Variants in FOXP2 observed in about 807,000 individuals in gnomAD.
FOXP2 encodes the protein forkhead box protein P2.
A neutral mutation model predicts 115.8 loss-of-function variants in FOXP2; 12 were observed. That is an observed-to-expected ratio of 0.10 (90% CI 0.07 to 0.17). The LOEUF (loss-of-function observed/expected upper bound fraction) is 0.17. Ranked by LOEUF, FOXP2 falls within the 10% of genes least tolerant of loss-of-function variation. The probability of loss-of-function intolerance (pLI) is 1.00; values close to 1 mark genes in which losing one functional copy is unlikely to be tolerated. For missense variants in FOXP2, 629 were observed against 843.5 expected (o/e 0.75, Z 3.15); for synonymous variants, 328 against 297.7 (o/e 1.10, Z -1.05).
At chr7:114,267,781 A>T (rs1048765426) in intron 1 of FOXP2, among the ~76,000 whole-genome samples, 2 of 131,868 alleles carry the variant, frequency 1.5e-5, no homozygotes, top group South Asian at 2.3e-4. Flanking sequence ...ATAAATAAAT[A>T]AAATAAATAT....
At chr7:114,635,299 C>T (rs77941157) in intron 6 of FOXP2, among the ~76,000 whole-genome samples, 1 of 152,096 alleles carries the variant, frequency 6.6e-6, no homozygotes, top group African/African-American at 2.4e-5. Flanking sequence ...AATCAATGAT[C>T]TTGTGATTGC....
At chr7:114,450,407 T>C (rs893764092) in intron 2 of FOXP2, among the ~76,000 whole-genome samples, 1 of 152,044 alleles carries the variant, frequency 6.6e-6, no homozygotes, top group Non-Finnish European at 1.5e-5. Context: ...TTAAAATGAA[T>C]AAGAACAGAT....
intron 1 of FOXP2, among the ~76,000 whole-genome samples, chr7:114,225,838 C>T (rs1173594041): frequency 6.6e-6 from 1 of 152,090 alleles, no homozygotes; most frequent in Non-Finnish European, 1.5e-5. Flanking sequence ...CTAAGTTGTT[C>T]TTCCACCCTA....
At chr7:114,625,762 T>G (rs1330925619) in intron 3 of FOXP2, among the ~76,000 whole-genome samples, 2 of 151,854 alleles carry the variant, frequency 1.3e-5, no homozygotes, top group African/African-American at 4.8e-5. Flanking sequence ...ACTAGTTTTT[T>G]GTTTATTAAA....
At chr7:114,186,919 A>G (rs985159548) in intron 1 of FOXP2, among the ~76,000 whole-genome samples, 1 of 152,118 alleles carries the variant, frequency 6.6e-6, no homozygotes, top group African/African-American at 2.4e-5. Flanking sequence ...TGGGGAGCAG[A>G]CACTTGAGGT....
chr7:114,165,729 A>G (rs1792964624), intron 1 of FOXP2, among the ~76,000 whole-genome samples: 1 of 152,186 alleles, frequency 6.6e-6, no homozygotes, highest in Admixed American at 6.5e-5. Flanking sequence ...TCCCAGTCAA[A>G]ATCCCAGCAA....
intron 2 of FOXP2, among the ~76,000 whole-genome samples, chr7:114,523,066 T>C (rs1311765127): frequency 3.3e-5 from 5 of 152,132 alleles, no homozygotes; most frequent in South Asian, 2.1e-4. Context: ...ATTATTATAA[T>C]ATTTCATCAG....
In FOXP2 at chr7:114,693,231, G is replaced by T; in HGVS notation, c.*3305G>T. On this transcript the variant is annotated 3_prime_UTR_variant, in exon 17 of 17. Coordinates refer to ENST00000350908, the MANE Select transcript of FOXP2 (RefSeq NM_014491.4). ...GTTTTCTTTAGATAACTCAGATATG[G>T]AGAAAATGTCATCAGCATTCTGTGT... The T allele has an allele frequency of 2.2e-6, 1 of 449,716 alleles. No individual in the cohort carries two copies. The highest frequency in any genetic ancestry group is 4.5e-6 in the Non-Finnish European group (1 of 224,116). The allele number at this position is 449,716 out of a possible 1,614,324, so 27.9% of individuals were successfully genotyped here.
chr7:114,368,027 T>C (rs1295059966), intron 2 of FOXP2, among the ~76,000 whole-genome samples: 1 of 152,180 alleles, frequency 6.6e-6, no homozygotes, highest in Non-Finnish European at 1.5e-5. Context: ...AGGCAAATAC[T>C]ACTCCAGTTT....
intron 1 of FOXP2, among the ~76,000 whole-genome samples, chr7:114,123,475 A>G (rs1791623402): frequency 6.6e-6 from 1 of 152,182 alleles, no homozygotes; most frequent in East Asian, 1.9e-4. Context: ...TGATTTTTAA[A>G]GCAAAATTGT....
intron 1 of FOXP2, among the ~76,000 whole-genome samples, chr7:114,262,250 C>T (rs1795773795): frequency 6.6e-6 from 1 of 151,912 alleles, no homozygotes; most frequent in African/African-American, 2.4e-5. Flanking sequence ...ATAGTGAGGC[C>T]CCATCTCTAC....
At chr7:114,385,305 G>T (rs1792418158) in intron 2 of FOXP2, among the ~76,000 whole-genome samples, 1 of 152,196 alleles carries the variant, frequency 6.6e-6, no homozygotes, top group African/African-American at 2.4e-5. Flanking sequence ...AGGAGGCAGG[G>T]ATCAGAGGAA....
chr7:114,256,515 G>C (rs1480447831), intron 1 of FOXP2, among the ~76,000 whole-genome samples: 1 of 152,122 alleles, frequency 6.6e-6, no homozygotes, highest in Non-Finnish European at 1.5e-5. Context: ...AGAAGTGTCT[G>C]TTCATGTCCT....
At chr7:114,486,463 T>G (rs1038307463) in intron 2 of FOXP2, among the ~76,000 whole-genome samples, 5 of 151,914 alleles carry the variant, frequency 3.3e-5, no homozygotes, top group African/African-American at 1.2e-4. Flanking sequence ...CCAAACCATA[T>G]CATTCCACCC....
intron 1 of FOXP2, among the ~76,000 whole-genome samples, chr7:114,226,659 G>T (rs1227143836): frequency 6.6e-6 from 1 of 152,088 alleles, no homozygotes; most frequent in Non-Finnish European, 1.5e-5. Context: ...TGCCATTTAA[G>T]CTCTCAGGTT....
At chr7:114,224,849 T>C (rs1056963978) in intron 1 of FOXP2, among the ~76,000 whole-genome samples, 2 of 152,186 alleles carry the variant, frequency 1.3e-5, no homozygotes, top group Non-Finnish European at 1.5e-5. Flanking sequence ...GTATTACCAA[T>C]GTTTTTGGAA....
intron 2 of FOXP2, among the ~76,000 whole-genome samples, chr7:114,523,407 A>C (rs1180995698): frequency 6.6e-6 from 1 of 152,038 alleles, no homozygotes; most frequent in Non-Finnish European, 1.5e-5. Flanking sequence ...TTCCCTCACC[A>C]TCCCTTTCCT....
At chr7:114,549,421 G>A (rs1270327193) in intron 3 of FOXP2, among the ~76,000 whole-genome samples, 1 of 152,134 alleles carries the variant, frequency 6.6e-6, no homozygotes, top group African/African-American at 2.4e-5. Flanking sequence ...GGAATAGAAG[G>A]AGGACAGGAA....
chr7:114,370,139 G>T (rs1480309884), intron 2 of FOXP2, among the ~76,000 whole-genome samples: 2 of 152,104 alleles, frequency 1.3e-5, no homozygotes, highest in African/African-American at 4.8e-5. Flanking sequence ...ATTTGATTAA[G>T]TTCTATGTCA....
Sources: gnomAD v4.1 joint callset for allele counts (sites outside exome capture counted in the v4.1 genomes callset) on GRCh38, gnomAD v4.1.1 for gene constraint, MANE v1.5 for transcripts, NCBI Gene and HGNC (gene_info 2026-07-23, HGNC 2026-07-21) for gene names.